The following PDSS2 variants were observed in gnomAD, a reference collection of about 807,000 sequenced individuals.
PDSS2 encodes all trans-polyprenyl-diphosphate synthase PDSS2.
A neutral mutation model predicts 44.5 loss-of-function variants in PDSS2; 31 were observed. The ratio of observed to expected loss-of-function variants is 0.70; its 90% CI spans 0.52 to 0.94. The LOEUF is 0.94. Ranked by LOEUF, PDSS2 falls within the 40% of genes least tolerant of loss-of-function variation. The pLI is 0.00. For missense variants in PDSS2, 452 were observed against 482.2 expected, an observed-to-expected ratio of 0.94 and a Z score of 0.59; for synonymous variants, 157 against 180.3, an observed-to-expected ratio of 0.87 and a Z score of 1.03.
intron 3 of PDSS2, among the ~76,000 whole-genome samples, chr6:107,272,932 A>ATTTTTT (rs202018695): frequency 6.6e-6 from 1 of 151,714 alleles, no homozygotes; most frequent in East Asian, 1.9e-4. Flanking sequence ...CACTTTATTT[A>ATTTTTT]TTTTTTTTAT....
chr6:107,254,389 G>A (rs558617595), intron 3 of PDSS2, among the ~76,000 whole-genome samples: 123 of 152,058 alleles, frequency 8.1e-4, no homozygotes, highest in Middle Eastern at 3.4e-3. Flanking sequence ...AAAAGGAGAC[G>A]TTTTCCAGCA....
intron 2 of PDSS2, among the ~76,000 whole-genome samples, chr6:107,286,721 T>A (rs908871213): frequency 6.6e-6 from 1 of 151,874 alleles, no homozygotes; most frequent in Non-Finnish European, 1.5e-5. Flanking sequence ...CCAAAAAGTA[T>A]GTAAAATGAT....
intron 7 of PDSS2, among the ~76,000 whole-genome samples, chr6:107,183,820 G>A (rs931025726): frequency 5.3e-5 from 8 of 152,078 alleles, no homozygotes; most frequent in African/African-American, 4.8e-5. Context: ...GCTTGAACCC[G>A]GGAAGTGGAG....
chr6:107,339,732 G>A (rs558206878), intron 1 of PDSS2, among the ~76,000 whole-genome samples: 1 of 152,046 alleles, frequency 6.6e-6, no homozygotes, highest in Non-Finnish European at 1.5e-5. Flanking sequence ...AAACAGGTAA[G>A]GGGGGTATAT....
chr6:107,212,487 A>C (rs1396441943), intron 4 of PDSS2, among the ~76,000 whole-genome samples: 2 of 152,196 alleles, frequency 1.3e-5, no homozygotes, highest in African/African-American at 4.8e-5. Flanking sequence ...ATAGGGGGAA[A>C]GTTAAAGAAA....
intron 3 of PDSS2, among the ~76,000 whole-genome samples, chr6:107,262,946 A>C (rs541217942): frequency 6.6e-6 from 1 of 152,188 alleles, no homozygotes; most frequent in South Asian, 2.1e-4. Context: ...AAAATAAAGA[A>C]ATAAAAATAA....
intron 2 of PDSS2, among the ~76,000 whole-genome samples, chr6:107,281,833 T>C (rs2114979057): frequency 6.6e-6 from 1 of 152,302 alleles, no homozygotes; most frequent in African/African-American, 2.4e-5. Flanking sequence ...CTGTAAATTA[T>C]ACTATCCTAC....
At chr6:107,246,908 T>C (rs574746252) in intron 3 of PDSS2, among the ~76,000 whole-genome samples, 55 of 152,274 alleles carry the variant, frequency 3.6e-4, no homozygotes, top group African/African-American at 1.3e-3. Context: ...ACCAAATACT[T>C]AAGAAATATT....
At position 107,260,701 on chromosome 6, in the gene PDSS2, A is replaced by T. The variant is rs370601209; in HGVS notation, c.630+13328T>A. On this transcript the variant is annotated intron_variant, in intron 3 of 7. Transcript: ENST00000369037. ...TTTTTTGAGACGGAGTCTGGCTCTGACGCCCAGGCTGGAGTGCAGTGGCGC... is the reference window on the plus strand; with the variant it reads ...TTTTTTGAGACGGAGTCTGGCTCTGTCGCCCAGGCTGGAGTGCAGTGGCGC... Among the ~76,000 whole-genome samples the T allele has an allele frequency of 3.2e-5, 4 of 124,206 alleles. No individual in the cohort carries two copies. In the East Asian group the frequency reaches 9.3e-4, roughly 29 times the overall value. 81.5% of individuals were successfully genotyped at this position (124,206 alleles called of 152,430 possible). A position where few individuals can be genotyped will look rare whatever the true frequency, so the allele number is the denominator to read the frequency against.
At chr6:107,219,412 C>T (rs1333307144) in intron 4 of PDSS2, among the ~76,000 whole-genome samples, 6 of 152,052 alleles carry the variant, frequency 3.9e-5, no homozygotes, top group Middle Eastern at 3.2e-3. Context: ...CTCAGCCTCC[C>T]GAGTAGCTGG....
rs150170059 is a variant in PDSS2, at chr6:107,290,137, T to C, written c.432-15910A>G. On this transcript the variant is annotated intron_variant, in intron 2 of 7. Coordinates refer to ENST00000369037, the MANE Select transcript of PDSS2 (RefSeq NM_020381.4). Reference sequence around the variant, plus strand: ...GACACCTATTCTGTTAAAACAGTTTTGTAAGAAGTTTATTTCTTTACACCA... The same window carrying C: ...GACACCTATTCTGTTAAAACAGTTTCGTAAGAAGTTTATTTCTTTACACCA... Among the ~76,000 whole-genome samples, 398 of 152,322 alleles carry C rather than the reference T, an allele frequency of 2.6e-3. 2 individuals carry two copies. Among genetic ancestry groups the C allele is most frequent in the African/African-American group, 8.6e-3 (356 of 41,578 alleles).
At chr6:107,264,504 T>C (rs1582867133) in intron 3 of PDSS2, 2 of 1,535,972 alleles carry the variant, frequency 1.3e-6, no homozygotes, top group South Asian at 1.2e-5. Context: ...GTCCATTAAA[T>C]GAAAATGACT....
intron 1 of PDSS2, among the ~76,000 whole-genome samples, chr6:107,342,892 G>A (rs1778124187): frequency 1.3e-5 from 2 of 152,196 alleles, no homozygotes; most frequent in Non-Finnish European, 2.9e-5. Flanking sequence ...AAGTAAAACT[G>A]AGTGGGAAAG....
intron 1 of PDSS2, among the ~76,000 whole-genome samples, chr6:107,426,336 G>A (rs1781002574): frequency 6.6e-6 from 1 of 152,196 alleles, no homozygotes; most frequent in Non-Finnish European, 1.5e-5. Context: ...TCAAGAACCG[G>A]GGTTTGGGAA....
At chr6:107,211,472 C>A (rs1773204361) in intron 5 of PDSS2, among the ~76,000 whole-genome samples, 1 of 151,988 alleles carries the variant, frequency 6.6e-6, no homozygotes, top group Non-Finnish European at 1.5e-5. Context: ...TGGCTCACAC[C>A]TGTAATCCCA....
intron 3 of PDSS2, among the ~76,000 whole-genome samples, chr6:107,252,156 C>A (rs937384743): frequency 8.5e-5 from 13 of 152,060 alleles, no homozygotes; most frequent in African/African-American, 3.1e-4. Context: ...CACGAACTAC[C>A]CAGATGAGCC....
At chr6:107,297,896 C>T (rs980360465) in intron 2 of PDSS2, among the ~76,000 whole-genome samples, 3 of 151,270 alleles carry the variant, frequency 2.0e-5, no homozygotes, top group Admixed American at 6.6e-5. Flanking sequence ...TAGGCGTGTG[C>T]CACCACTCCC....
At chr6:107,223,258 G>T (rs150042179) in intron 4 of PDSS2, among the ~76,000 whole-genome samples, 1 of 151,092 alleles carries the variant, frequency 6.6e-6, no homozygotes, top group African/African-American at 2.5e-5. Context: ...GGCCAGGCAT[G>T]GTGGCTCATG....
intron 1 of PDSS2, among the ~76,000 whole-genome samples, chr6:107,445,628 T>C (rs1288544478): frequency 1.3e-5 from 2 of 152,200 alleles, no homozygotes; most frequent in South Asian, 4.1e-4. Context: ...TTTTCAGATT[T>C]TAAATTGTGG....
Sources: allele counts gnomAD v4.1 joint callset (sites outside exome capture counted in the v4.1 genomes callset), GRCh38; gene constraint gnomAD v4.1.1; transcripts MANE v1.5; gene names NCBI Gene and HGNC (gene_info 2026-07-23, HGNC 2026-07-21).